Variants in STX3 observed in about 807,000 individuals in gnomAD.
The protein encoded by STX3 is syntaxin-3.
A neutral mutation model predicts 40.2 loss-of-function variants in STX3; 19 were observed. The ratio of observed to expected loss-of-function variants is 0.47; its 90% CI spans 0.33 to 0.69. STX3 has a LOEUF of 0.69. Among genes scored for constraint, STX3 ranks in the 30% least tolerant of loss-of-function variants. STX3 has a pLI of 0.02. For missense variants in STX3, 364 were observed against 366.7 expected (o/e 0.99, Z 0.06); for synonymous variants, 122 against 132.2 (o/e 0.92, Z 0.53).
At chr11:59,786,406 A>ATTTTT (rs1362889318) in intron 2 of STX3, among the ~76,000 whole-genome samples, 2 of 127,028 alleles carry the variant, frequency 1.6e-5, no homozygotes, top group Admixed American at 7.9e-5. Flanking sequence ...CACCAGGCTA[A>ATTTTT]TTTTTTTTTT....
In STX3 at chr11:59,803,092, C is replaced by A; in HGVS notation, c.*2268C>A. 1 of 1,228,082 alleles carries A rather than the reference C, an allele frequency of 8.1e-7. No individual in the cohort carries two copies. Among genetic ancestry groups the A allele is most frequent in the South Asian group, 4.3e-5 (1 of 23,516 alleles). The allele number at this position is 1,228,082 out of a possible 1,614,324, so 76.1% of individuals were successfully genotyped here. On this transcript the variant is annotated 3_prime_UTR_variant, in exon 11 of 11. Coordinates refer to ENST00000337979, the MANE Select transcript of STX3 (RefSeq NM_004177.5). ...GGGTCCTAGAAGCCAGATCCATCTC[C>A]TTTTTCCTTCTGTTGCTCTCTTCCT...
intron 1 of STX3, among the ~76,000 whole-genome samples, chr11:59,770,448 C>T (rs1476437582): frequency 1.3e-5 from 2 of 151,690 alleles, no homozygotes; most frequent in African/African-American, 4.9e-5. Context: ...TGAGGTCTGT[C>T]CCCTCAGTCA....
At chr11:59,783,671 T>A (rs1864566697) in intron 2 of STX3, among the ~76,000 whole-genome samples, 1 of 152,164 alleles carries the variant, frequency 6.6e-6, no homozygotes, top group South Asian at 2.1e-4. Context: ...TTTTTGATTA[T>A]GTGGCAAATG....
At chr11:59,762,777 C>CAGG in intron 1 of STX3, among the ~76,000 whole-genome samples, 1 of 152,184 alleles carries the variant, frequency 6.6e-6, no homozygotes, top group East Asian at 1.9e-4. Flanking sequence ...CTGAGATCTC[C>CAGG]AGGAGGAAGA....
chr11:59,780,657 G>A (rs1018484503), intron 2 of STX3, among the ~76,000 whole-genome samples: 2 of 152,120 alleles, frequency 1.3e-5, no homozygotes, highest in African/African-American at 4.8e-5. Flanking sequence ...CCATGGTCTG[G>A]TCCCCATCAG....
rs894214332 is a variant in STX3, at chr11:59,793,150, A to T, written c.518A>T (p.Asn173Ile). The T allele has an allele frequency of 1.9e-6, 3 of 1,613,320 alleles. No individual in the cohort carries two copies. The highest frequency in any genetic ancestry group is 1.7e-5 in the Admixed American group (1 of 59,978). The change falls in exon 7 of 11, where the codon AAC becomes ATC. Residue 173 changes from asparagine to isoleucine, a missense_variant. Physicochemically the swap from Asn to Ile is moderately radical, Grantham distance 149 (BLOSUM62 -3). Coordinates refer to ENST00000337979, the MANE Select transcript of STX3 (RefSeq NM_004177.5). ...CTGGAGGAGATGTTGGAGAGTGGCA[A>T]CCCGGCCATCTTCACTTCTGGGGTG... ...EELEEMLESG[N>I]PAIFTSGIID...
intron 1 of STX3, among the ~76,000 whole-genome samples, chr11:59,763,650 G>A (rs1463368331): frequency 6.6e-6 from 1 of 152,156 alleles, no homozygotes; most frequent in African/African-American, 2.4e-5. Flanking sequence ...AATCCATATT[G>A]GAAATGTAAG....
Position 59,788,931 on chromosome 11 carries a change from C to G in STX3, c.273C>G (p.Val91=). ...AGATTAAGAAAAGGGCCAACAACGTCCGGAACAAACTGAAGAGTAAGAAGG... is the reference window on the plus strand; with the variant it reads ...AGATTAAGAAAAGGGCCAACAACGTGCGGAACAAACTGAAGAGTAAGAAGG... ...TTEIKKRANN[V]RNKLKSMEKH... Residue 91 remains valine (V), a synonymous_variant, in exon 4 of 11, where the codon GTC becomes GTG. Coordinates refer to ENST00000337979, the MANE Select transcript of STX3 (RefSeq NM_004177.5). The G allele has an allele frequency of 6.2e-7, 1 of 1,610,392 alleles. No individual in the cohort carries two copies. Among genetic ancestry groups the G allele is most frequent in the South Asian group, 1.1e-5 (1 of 90,304 alleles).
intron 10 of STX3, among the ~76,000 whole-genome samples, chr11:59,799,150 A>G (rs957357005): frequency 6.6e-6 from 1 of 152,038 alleles, no homozygotes; most frequent in Non-Finnish European, 1.5e-5. Flanking sequence ...TTGGCCTCCC[A>G]AAGTGCTGGG....
rs1044968845 is a variant in STX3, at chr11:59,769,850, G to A, written c.31-3361G>A. ...TACACGTGTGTGTGTGTGTGTGTGT[G>A]TATGTATGTGTTTGTGTGGGGGGGG... On this transcript the variant is annotated intron_variant, in intron 1 of 10. Coordinates refer to ENST00000337979, the MANE Select transcript of STX3 (RefSeq NM_004177.5). 4.0e-5 allele frequency among the ~76,000 whole-genome samples: 6 copies of A among 148,706 alleles called. 1 individual carries two copies. In the East Asian group the frequency reaches 1.2e-3, roughly 29 times the overall value.
intron 2 of STX3, 53 bp downstream of exon 2, chr11:59,773,347 C>T: frequency 6.3e-7 from 1 of 1,576,414 alleles, no homozygotes; most frequent in Non-Finnish European, 8.7e-7. Flanking sequence ...AACACTATTT[C>T]CTTAGTAAGA....
chr11:59,790,354 A>G (rs1049896489), intron 4 of STX3, among the ~76,000 whole-genome samples, 165 bp from the exon 5 acceptor site: 1 of 152,200 alleles, frequency 6.6e-6, no homozygotes, highest in African/African-American at 2.4e-5. Context: ...AAGGCTGTGG[A>G]ATGCACGTCC....
At chr11:59,784,471 C>T (rs1438461709) in intron 2 of STX3, among the ~76,000 whole-genome samples, 3 of 152,230 alleles carry the variant, frequency 2.0e-5, no homozygotes, top group East Asian at 1.9e-4. Context: ...TGGTCACACC[C>T]CTAGAGTCTG....
chr11:59,764,392 T>A (rs1187007375), intron 1 of STX3, among the ~76,000 whole-genome samples: 1 of 152,244 alleles, frequency 6.6e-6, no homozygotes, highest in African/African-American at 2.4e-5. Flanking sequence ...ATTATTCTTG[T>A]CATGTCACAA....
rs1590841532 is a variant in STX3 at position 59,802,414 on chromosome 11, G to A, written c.*1590G>A. On this transcript the variant is annotated 3_prime_UTR_variant, in exon 11 of 11. Transcript: ENST00000337979. Reference sequence around the variant, plus strand: ...GGTAAGCACCCTTAATTCAGGCACTGTCCATTAGCTTCCTTTGCAAAGGCT... The same window carrying A: ...GGTAAGCACCCTTAATTCAGGCACTATCCATTAGCTTCCTTTGCAAAGGCT... 1 of 985,802 alleles carries A rather than the reference G, an allele frequency of 1.0e-6. No homozygotes were observed. The highest frequency in any genetic ancestry group is 1.1e-4 in the East Asian group (1 of 8,804). The allele number at this position is 985,802 out of a possible 1,614,324, so 61.1% of individuals were successfully genotyped here.
chr11:59,770,999 C>T (rs1863591237), intron 1 of STX3, among the ~76,000 whole-genome samples: 1 of 152,114 alleles, frequency 6.6e-6, no homozygotes, highest in Non-Finnish European at 1.5e-5. Flanking sequence ...CCATTCACTT[C>T]AGACTCCTTT....
rs192361886 is a variant in STX3, at chr11:59,757,484, G to T, written c.30+1849G>T. On this transcript the variant is annotated intron_variant, in intron 1 of 10. Transcript: ENST00000337979. ...TGAGTTCCAAGAATAAATTTAATTTGCCTGGGGACGCTGAGCAAGTCTCTT... is the reference window on the plus strand; with the variant it reads ...TGAGTTCCAAGAATAAATTTAATTTTCCTGGGGACGCTGAGCAAGTCTCTT... Among the ~76,000 whole-genome samples the T allele has an allele frequency of 1.3e-3, 201 of 152,298 alleles. 1 individual carries two copies. Among genetic ancestry groups the T allele is most frequent in the African/African-American group, 4.6e-3 (193 of 41,552 alleles).
Position 59,773,206 on chromosome 11 carries a change from T to C in STX3, c.31-5T>C, listed in dbSNP as rs764789716. Reference sequence around the variant, plus strand: ...CCTCACTCTGCTCTTTTTTGCCTTTTGCAGAAGCAGCTGACACAGGATGAT... The same window carrying C: ...CCTCACTCTGCTCTTTTTTGCCTTTCGCAGAAGCAGCTGACACAGGATGAT... On this transcript the variant is annotated splice_region_variant and splice_polypyrimidine_tract_variant and intron_variant, in intron 1 of 10. Coordinates refer to ENST00000337979, the MANE Select transcript of STX3 (RefSeq NM_004177.5). 10 of 1,613,948 alleles carry C rather than the reference T, an allele frequency of 6.2e-6. No homozygotes were observed. In the East Asian group the frequency reaches 8.9e-5, roughly 14 times the overall value.
At chr11:59,778,576 T>C (rs867085180) in intron 2 of STX3, among the ~76,000 whole-genome samples, 1 of 152,192 alleles carries the variant, frequency 6.6e-6, no homozygotes, top group South Asian at 2.1e-4. Context: ...TGGCTGTTTG[T>C]TGGGTCAGTG....
Sources: allele counts gnomAD v4.1 joint callset (sites outside exome capture counted in the v4.1 genomes callset), GRCh38; gene constraint gnomAD v4.1.1; transcripts MANE v1.5; gene names NCBI Gene and HGNC (gene_info 2026-07-23, HGNC 2026-07-21).